SMG6: variants seen among roughly 807,000 people sequenced by gnomAD.
The protein encoded by SMG6 is SMG6 nonsense mediated mRNA decay factor, also known as telomerase-binding protein EST1A.
SMG6 carries 66 observed loss-of-function variants against 142.2 expected under a neutral mutation model. The ratio of observed to expected loss-of-function variants is 0.46; its 90% confidence interval spans 0.38 to 0.57. SMG6 has a LOEUF of 0.57. SMG6 is among the 20% of genes least tolerant of loss of function. The pLI is 0.00. For missense variants in SMG6, 1,793 were observed against 1,832.0 expected (o/e 0.98, Z 0.39); for synonymous variants, 779 against 702.4 (o/e 1.11, Z -1.72).
Position 2,283,614 on chromosome 17 carries a change from T to A in SMG6, c.2448+11A>T, listed in dbSNP as rs1384282438. The A allele has an allele frequency of 2.5e-6, 4 of 1,602,382 alleles. No homozygotes were observed. The highest frequency in any genetic ancestry group is 3.4e-6 in the Non-Finnish European group (4 of 1,169,482). ...TCGAGGAAGGAAGGGTTCTGCCACA[T>A]CCCCACTCACCTTCCGCTTGGTCTC... On this transcript the variant is annotated intron_variant, in intron 7 of 18. Coordinates refer to ENST00000263073, the MANE Select transcript of SMG6 (RefSeq NM_017575.5).
intron 13 of SMG6, among the ~76,000 whole-genome samples, chr17:2,171,215 A>T (rs141394515): frequency 3.3e-5 from 5 of 152,132 alleles, no homozygotes; most frequent in Non-Finnish European, 5.9e-5. Flanking sequence ...CAGAGGTTGC[A>T]GTGAGCTGAG....
At chr17:2,119,826 T>C (rs1338011721) in intron 13 of SMG6, among the ~76,000 whole-genome samples, 6 of 152,180 alleles carry the variant, frequency 3.9e-5, no homozygotes, top group African/African-American at 1.4e-4. Flanking sequence ...CATGCCTGGC[T>C]AATTTTTTTG....
In SMG6 at chr17:2,299,907, T is replaced by A. The variant is rs1567763990; in HGVS notation, c.846A>T (p.Arg282=). The A allele has an allele frequency of 4.3e-6, 7 of 1,614,156 alleles. No individual in the cohort carries two copies. The highest frequency in any genetic ancestry group is 5.9e-6 in the Non-Finnish European group (7 of 1,180,014). The change falls in exon 2 of 19, where the codon CGA becomes CGT. Residue 282 remains arginine (R), a synonymous_variant. Coordinates refer to ENST00000263073, the MANE Select transcript of SMG6 (RefSeq NM_017575.5). The surrounding 1 kb of genome is among the most constrained non-coding windows in gnomAD (Gnocchi z 4.3). ...GLTDNGCRRR[R]QDRTKERPRL... ...GTGGCCTCTCCTTGGTCCTATCCTGTCGGCGGCGGCGACATCCATTATCCG... is the reference window on the plus strand; with the variant it reads ...GTGGCCTCTCCTTGGTCCTATCCTGACGGCGGCGGCGACATCCATTATCCG...
intron 8 of SMG6, among the ~76,000 whole-genome samples, chr17:2,249,759 G>A (rs533470187): frequency 6.6e-6 from 1 of 152,306 alleles, no homozygotes; most frequent in South Asian, 2.1e-4. Flanking sequence ...AAACAAAAAT[G>A]CTTCTTGGGT....
At chr17:2,200,874 C>T (rs940117365) in intron 10 of SMG6, among the ~76,000 whole-genome samples, 3 of 152,086 alleles carry the variant, frequency 2.0e-5, no homozygotes, top group African/African-American at 7.2e-5. Context: ...AGTGATCCTC[C>T]GGCCTTGAAC....
chr17:2,086,490 G>C (rs1039212321), intron 13 of SMG6, among the ~76,000 whole-genome samples: 2 of 152,202 alleles, frequency 1.3e-5, no homozygotes, highest in Non-Finnish European at 2.9e-5. Flanking sequence ...AGTCAGGCAG[G>C]AAATTGTCAG....
chr17:2,067,419 T>G (rs2067983181), intron 16 of SMG6, among the ~76,000 whole-genome samples: 1 of 152,092 alleles, frequency 6.6e-6, no homozygotes, highest in African/African-American at 2.4e-5. Flanking sequence ...CCTCTTTCAG[T>G]TGTACCCTTT....
At chr17:2,292,688 A>G in intron 5 of SMG6, 58 bp from the exon 6 acceptor site, 4 of 1,582,668 alleles carry the variant, frequency 2.5e-6, no homozygotes, top group Non-Finnish European at 3.5e-6. Flanking sequence ...TTCCCAATTC[A>G]TCCTGATAGC....
At chr17:2,281,986 C>G (rs2074797727) in intron 8 of SMG6, among the ~76,000 whole-genome samples, 1 of 152,174 alleles carries the variant, frequency 6.6e-6, no homozygotes, top group African/African-American at 2.4e-5. Context: ...GCTATGTGCT[C>G]TCATATACTG....
At chr17:2,240,380 T>C (rs144126237) in intron 9 of SMG6, among the ~76,000 whole-genome samples, 1 of 152,148 alleles carries the variant, frequency 6.6e-6, no homozygotes, top group East Asian at 1.9e-4. Flanking sequence ...TCCAGGTTAG[T>C]TTTTCTCAAC....
chr17:2,061,665 G>A (rs1217325876), intron 18 of SMG6, 43 bp from the exon 19 acceptor site: 6 of 1,550,410 alleles, frequency 3.9e-6, no homozygotes, highest in African/African-American at 1.4e-5. Flanking sequence ...GAGGACAGGA[G>A]GCAGAGGGCT....
chr17:2,190,833 T>C lies in SMG6; in HGVS notation c.2870-2318A>G, dbSNP rs74904398. 3.6e-3 allele frequency among the ~76,000 whole-genome samples: 541 copies of C among 152,316 alleles called. 20 individuals carry two copies. In the East Asian group the frequency reaches 0.038, roughly 11 times the overall value. On this transcript the variant is annotated intron_variant, in intron 10 of 18. Transcript: ENST00000263073. Reference sequence around the variant, plus strand: ...CCTGAAGAAAGGCTTGAAATAACACTGCCTGCTTATGTGTCTGGTCCATCT... The same window carrying C: ...CCTGAAGAAAGGCTTGAAATAACACCGCCTGCTTATGTGTCTGGTCCATCT...
At chr17:2,209,036 G>A (rs1286632066) in intron 10 of SMG6, among the ~76,000 whole-genome samples, 1 of 152,112 alleles carries the variant, frequency 6.6e-6, no homozygotes, top group Non-Finnish European at 1.5e-5. Context: ...ATGGTAGCAT[G>A]TGTCTGTGGT....
At position 2,070,243 on chromosome 17, in the gene SMG6, C is replaced by T. The variant is rs111879107; in HGVS notation, c.3682-1312G>A. Among the ~76,000 whole-genome samples the T allele has an allele frequency of 4.3e-3, 650 of 152,334 alleles. 6 individuals carry two copies. Among genetic ancestry groups the T allele is most frequent in the African/African-American group, 0.013 (547 of 41,568 alleles). On this transcript the variant is annotated intron_variant, in intron 15 of 18. Transcript: ENST00000263073. ...TCGAGACCGGCTCTGGGTATGTCTG[C>T]CACTACAGAACATGGCCACTACTGC...
At chr17:2,094,701 T>A (rs1164876009) in intron 13 of SMG6, 1 of 152,148 alleles carries the variant, frequency 6.6e-6, no homozygotes, top group Non-Finnish European at 1.5e-5. Flanking sequence ...CTTTCTTAAA[T>A]AAGACCCAGC....
chr17:2,150,559 C>G (rs1261922919), intron 13 of SMG6, among the ~76,000 whole-genome samples: 1 of 152,038 alleles, frequency 6.6e-6, no homozygotes, highest in Non-Finnish European at 1.5e-5. Context: ...CAGCTATGCC[C>G]CATGTCATCA....
At chr17:2,264,003 C>T (rs1046086702) in intron 8 of SMG6, among the ~76,000 whole-genome samples, 17 of 151,878 alleles carry the variant, frequency 1.1e-4, no homozygotes, top group African/African-American at 3.9e-4. Flanking sequence ...AAACGCAACA[C>T]GGGAAAAACA....
Position 2,186,379 on chromosome 17 carries a change from A to G in SMG6, c.3155+284T>C, listed in dbSNP as rs1338304654. On this transcript the variant is annotated intron_variant, in intron 12 of 18. Coordinates refer to ENST00000263073, the MANE Select transcript of SMG6 (RefSeq NM_017575.5). The stretch of plus-strand genomic sequence containing the variant: ...GCTGCAGAGATGGTGAGTATGCACA[A>G]TATGGAGTGAGGATGAGGGAACGAG... Among the ~76,000 whole-genome samples, 19 of 152,134 alleles carry G rather than the reference A, an allele frequency of 1.2e-4. 1 individual carries two copies. The highest frequency in any genetic ancestry group is 1.2e-3 in the Admixed American group (19 of 15,266).
At chr17:2,128,300 A>G (rs139123800) in intron 13 of SMG6, among the ~76,000 whole-genome samples, 3 of 152,304 alleles carry the variant, frequency 2.0e-5, no homozygotes, top group East Asian at 3.9e-4. Flanking sequence ...TATGTTGTGT[A>G]TATTTTACCA....
Sources: allele counts gnomAD v4.1 joint callset (sites outside exome capture counted in the v4.1 genomes callset), GRCh38; gene constraint gnomAD v4.1.1; non-coding constraint Gnocchi (gnomAD v3.1); transcripts MANE v1.5; gene names NCBI Gene and HGNC (gene_info 2026-07-23, HGNC 2026-07-21).